GPC6: variants seen among roughly 807,000 people sequenced by gnomAD.
GPC6 encodes the protein glypican-6.
A neutral mutation model predicts 55.2 loss-of-function variants in GPC6; 14 were observed. That is an observed-to-expected ratio of 0.25 (90% CI 0.17 to 0.40). GPC6 has a LOEUF of 0.40. Ranked by LOEUF, GPC6 falls within the 10% of genes least tolerant of loss-of-function variation. GPC6 has a pLI of 1.00. For synonymous variants in GPC6, 278 were observed against 259.6 expected, an observed-to-expected ratio of 1.07 and a Z score of -0.68; for missense variants, 641 against 708.5, an observed-to-expected ratio of 0.90 and a Z score of 1.08.
chr13:93,223,970 G>A (rs1875689270), upstream of GPC6, among the ~76,000 whole-genome samples: 1 of 143,680 alleles, frequency 7.0e-6, no homozygotes, highest in Admixed American at 7.2e-5. Flanking sequence ...CGGGATCTCG[G>A]CTCACTGCAA....
At chr13:93,601,842 G>A (rs1878028334) in intron 2 of GPC6, among the ~76,000 whole-genome samples, 1 of 152,236 alleles carries the variant, frequency 6.6e-6, no homozygotes, top group Non-Finnish European at 1.5e-5. Context: ...GGCGATGGCA[G>A]GAACTGCCGA....
intron 1 of GPC6, among the ~76,000 whole-genome samples, chr13:93,419,796 C>T (rs1876856027): frequency 6.6e-6 from 1 of 151,958 alleles, no homozygotes; most frequent in African/African-American, 2.4e-5. Context: ...ATTGTAGGAA[C>T]CATGTTTGGA....
At chr13:93,750,383 A>G (rs1253759509) in intron 2 of GPC6, among the ~76,000 whole-genome samples, 2 of 152,138 alleles carry the variant, frequency 1.3e-5, no homozygotes, top group African/African-American at 4.8e-5. Context: ...TGGATCTGCT[A>G]TTAAAAAATA....
At chr13:94,203,111 A>G (rs564947797) in intron 4 of GPC6, among the ~76,000 whole-genome samples, 8 of 150,842 alleles carry the variant, frequency 5.3e-5, no homozygotes, top group South Asian at 4.3e-4. Context: ...TTTTATTATT[A>G]TTTCACTTAT....
chr13:93,893,856 T>G (rs573042252), intron 3 of GPC6, among the ~76,000 whole-genome samples: 2 of 152,320 alleles, frequency 1.3e-5, no homozygotes, highest in East Asian at 3.9e-4. Flanking sequence ...CACTTCAATC[T>G]ATTTTCCAAA....
At chr13:93,427,583 G>C (rs929049961) in intron 1 of GPC6, among the ~76,000 whole-genome samples, 1 of 152,194 alleles carries the variant, frequency 6.6e-6, no homozygotes, top group African/African-American at 2.4e-5. Flanking sequence ...TGTTTTCAAT[G>C]TGATGTTTCA....
chr13:93,833,947 A>G (rs555452435), intron 3 of GPC6, among the ~76,000 whole-genome samples: 19 of 152,236 alleles, frequency 1.2e-4, no homozygotes, highest in African/African-American at 4.3e-4. Context: ...GTGAATATCT[A>G]TGGTCAGCCA....
chr13:93,334,687 G>A lies in GPC6; in HGVS notation c.160+107071G>A, dbSNP rs999312723. The stretch of plus-strand genomic sequence containing the variant: ...TCACCATCTTGGCTGGGATAGTCTC[G>A]AACCCCTGACCTCAGGTGATTCGCC... On this transcript the variant is annotated intron_variant, in intron 1 of 8. Coordinates refer to ENST00000377047, the MANE Select transcript of GPC6 (RefSeq NM_005708.5). 3.3e-5 allele frequency among the ~76,000 whole-genome samples: 5 copies of A among 152,198 alleles called. No homozygotes were observed. The East Asian group carries it at 5.8e-4, about 18-fold the overall frequency.
intron 1 of GPC6, among the ~76,000 whole-genome samples, chr13:93,347,315 A>G (rs191189520): frequency 4.7e-4 from 71 of 152,314 alleles, no homozygotes; most frequent in African/African-American, 1.6e-3. Context: ...ATGCTTGACC[A>G]TCTTCAAGTT....
At chr13:93,540,695 A>G (rs891683114) in intron 1 of GPC6, among the ~76,000 whole-genome samples, 2 of 152,166 alleles carry the variant, frequency 1.3e-5, no homozygotes, top group Non-Finnish European at 2.9e-5. Context: ...GGAACATTCA[A>G]TATCCTCTTT....
Position 94,399,003 on chromosome 13 carries a change from C to T in GPC6, c.1465+362C>T, listed in dbSNP as rs118067604. Among the ~76,000 whole-genome samples the T allele has an allele frequency of 3.1e-3, 475 of 152,308 alleles. 2 individuals are homozygous for T. The highest frequency in any genetic ancestry group is 4.8e-3 in the Non-Finnish European group (329 of 68,032). On this transcript the variant is annotated intron_variant, in intron 8 of 8. Coordinates refer to ENST00000377047, the MANE Select transcript of GPC6 (RefSeq NM_005708.5). Reference sequence around the variant, plus strand: ...CTGACCCAAACTTCTGCCCTGTTCCCACCAAAAGAAGAAAGCTCAGCAGAT... The same window carrying T: ...CTGACCCAAACTTCTGCCCTGTTCCTACCAAAAGAAGAAAGCTCAGCAGAT...
chr13:93,693,377 C>T (rs1330721950), intron 2 of GPC6, among the ~76,000 whole-genome samples: 1 of 151,744 alleles, frequency 6.6e-6, no homozygotes, highest in African/African-American at 2.4e-5. Flanking sequence ...TAGTAGTATG[C>T]TCTCCAAGGC....
At position 94,403,321 on chromosome 13, in the gene GPC6, C is replaced by T. The variant is rs904079036; in HGVS notation, c.*104C>T. On this transcript the variant is annotated 3_prime_UTR_variant, in exon 9 of 9. Transcript: ENST00000377047. Reference sequence around the variant, plus strand: ...AATGGACCATGCCACAAAAACTTACCGTTTTCTATGAGAAGAGAGCAGTAA... The same window carrying T: ...AATGGACCATGCCACAAAAACTTACTGTTTTCTATGAGAAGAGAGCAGTAA... 2.4e-6 allele frequency: 2 copies of T among 846,564 alleles called. No homozygotes were observed. The highest frequency in any genetic ancestry group is 3.9e-6 in the Non-Finnish European group (2 of 514,598). The allele number at this position is 846,564 out of a possible 1,614,324, so 52.4% of individuals were successfully genotyped here. A position where few individuals can be genotyped will look rare whatever the true frequency, so the allele number is the denominator to read the frequency against.
At chr13:93,308,363 A>G (rs1384387628) in intron 1 of GPC6, among the ~76,000 whole-genome samples, 1 of 152,180 alleles carries the variant, frequency 6.6e-6, no homozygotes, top group Non-Finnish European at 1.5e-5. Context: ...AGTGACTGAG[A>G]AGTAACTGGT....
chr13:94,001,624 T>A (rs1217070081), intron 3 of GPC6, among the ~76,000 whole-genome samples: 2 of 152,174 alleles, frequency 1.3e-5, no homozygotes, highest in Non-Finnish European at 2.9e-5. Context: ...TGTTGTGCGT[T>A]GGCACAATGA....
At chr13:94,363,362 A>G (rs991022194) in intron 6 of GPC6, among the ~76,000 whole-genome samples, 2 of 152,216 alleles carry the variant, frequency 1.3e-5, no homozygotes, top group African/African-American at 4.8e-5. Flanking sequence ...GCAATTCTAG[A>G]CATAGGCTGG....
In GPC6 at chr13:93,664,016, G is replaced by A. The variant is rs1351884004; in HGVS notation, c.319+118595G>A. Among the ~76,000 whole-genome samples, 9 of 152,182 alleles carry A rather than the reference G, an allele frequency of 5.9e-5. No individual in the cohort carries two copies. In the East Asian group the frequency reaches 1.4e-3, roughly 23 times the overall value. ...TTGAGTAACACTCTCAGCATTAGTCGTTGTTCTGTATAATGTTAGAATAAT... is the reference window on the plus strand; with the variant it reads ...TTGAGTAACACTCTCAGCATTAGTCATTGTTCTGTATAATGTTAGAATAAT... On this transcript the variant is annotated intron_variant, in intron 2 of 8. Coordinates refer to ENST00000377047, the MANE Select transcript of GPC6 (RefSeq NM_005708.5).
chr13:94,099,269 T>C (rs1434323849), intron 4 of GPC6, among the ~76,000 whole-genome samples: 4 of 152,204 alleles, frequency 2.6e-5, no homozygotes, highest in African/African-American at 4.8e-5. Context: ...AAATAATAAG[T>C]AGCTTTAAGT....
intron 2 of GPC6, among the ~76,000 whole-genome samples, chr13:93,550,207 C>G (rs543919156): frequency 6.6e-6 from 1 of 152,160 alleles, no homozygotes; most frequent in East Asian, 1.9e-4. Flanking sequence ...GATGTTGGCA[C>G]TAACACCCTA....
Sources: allele counts gnomAD v4.1 joint callset (sites outside exome capture counted in the v4.1 genomes callset), GRCh38; gene constraint gnomAD v4.1.1; transcripts MANE v1.5; gene names NCBI Gene and HGNC (gene_info 2026-07-23, HGNC 2026-07-21).